Variants in CELF2 observed in about 807,000 individuals in gnomAD.
The protein encoded by CELF2 is CUG triplet repeat RNA-binding protein 2.
CELF2 carries 8 observed loss-of-function variants against 62.6 expected under a neutral mutation model. The observed-to-expected ratio is 0.13, with a 90% CI of 0.07 to 0.23. The LOEUF (loss-of-function observed/expected upper bound fraction) is 0.23, where lower values mean the gene tolerates loss of function less well. Among genes scored for constraint, CELF2 ranks in the 10% least tolerant of loss-of-function variants. CELF2 has a pLI of 1.00. For missense variants in CELF2, 333 were observed against 671.0 expected (o/e 0.50, Z 5.56); for synonymous variants, 258 against 250.0 (o/e 1.03, Z -0.30).
At chr10:10,857,651 A>T (rs7095455) in intron 1 of CELF2, among the ~76,000 whole-genome samples, 129 of 53,338 alleles carry the variant, frequency 2.4e-3, no homozygotes, top group South Asian at 0.021. Context: ...TATATATAGT[A>T]TATATATATA....
chr10:10,718,481 G>A, the CELF2 span, among the ~76,000 whole-genome samples: 7 of 151,968 alleles, frequency 4.6e-5, no homozygotes, highest in Non-Finnish European at 7.4e-5. Flanking sequence ...AAAATTAGCC[G>A]GGCATGGTGG....
chr10:10,561,921 G>T, the CELF2 span, among the ~76,000 whole-genome samples: 1 of 152,124 alleles, frequency 6.6e-6, no homozygotes, highest in African/African-American at 2.4e-5. Context: ...CAGCCCCCCT[G>T]CTCTCACTTT....
chr10:11,240,256 A>T (rs2073342685), intron 3 of CELF2, among the ~76,000 whole-genome samples: 1 of 152,224 alleles, frequency 6.6e-6, no homozygotes, highest in African/African-American at 2.4e-5. Flanking sequence ...GGCAGTTAAC[A>T]TAAAGCCACA....
the CELF2 span, among the ~76,000 whole-genome samples, chr10:10,656,457 A>G: frequency 4.3e-4 from 58 of 135,152 alleles, no homozygotes; most frequent in African/African-American, 1.4e-3. Flanking sequence ...AATAGCAAAG[A>G]CTTGGAACCA....
chr10:10,989,427 A>G lies in CELF2; in HGVS notation c.89+69428A>G, dbSNP rs545605966. Among the ~76,000 whole-genome samples, 30 of 152,274 alleles carry G rather than the reference A, an allele frequency of 2.0e-4. No homozygotes were observed. In the East Asian group the frequency reaches 2.1e-3, roughly 11 times the overall value. On this transcript the variant is annotated intron_variant, in intron 2 of 13. Transcript: ENST00000636488. ...AGCATGAAATCTGATATGTAAACAT[A>G]CACATCTTACCCCAAAAACCCCAGG... is the stretch of plus-strand genomic sequence containing the variant.
chr10:10,940,237 C>T (rs140177266), intron 2 of CELF2, among the ~76,000 whole-genome samples: 11 of 152,170 alleles, frequency 7.2e-5, no homozygotes, highest in Non-Finnish European at 1.2e-4. Flanking sequence ...TAGTTATACC[C>T]GGGTTTTTTT....
chr10:11,161,174 C>T (rs1018263661), intron 1 of CELF2, among the ~76,000 whole-genome samples: 54 of 152,178 alleles, frequency 3.5e-4, no homozygotes, highest in African/African-American at 1.2e-3. Context: ...ATCGTTTTTC[C>T]GAACAAGATT....
chr10:10,993,470 T>A lies in CELF2; in HGVS notation c.89+73471T>A, dbSNP rs912338952. On this transcript the variant is annotated intron_variant, in intron 2 of 13. Transcript: ENST00000636488. This position sits in a 1 kb window ranked among gnomAD's most constrained non-coding sequence, Gnocchi z 5.3. Reference sequence around the variant, plus strand: ...TGCCAATTTAGGCAGACACCAAGCATGAGAAAGGCAAGCCTCAGGAATATG... The same window carrying A: ...TGCCAATTTAGGCAGACACCAAGCAAGAGAAAGGCAAGCCTCAGGAATATG... Among the ~76,000 whole-genome samples, 3 of 151,956 alleles carry A rather than the reference T, an allele frequency of 2.0e-5. 1 individual carries two copies. Among genetic ancestry groups the A allele is most frequent in the Admixed American group, 2.0e-4 (3 of 15,256 alleles).
chr10:10,728,924 A>G, the CELF2 span, among the ~76,000 whole-genome samples: 1 of 152,214 alleles, frequency 6.6e-6, no homozygotes, highest in Non-Finnish European at 1.5e-5. Context: ...AACAAGGTCT[A>G]CTGCTAAACT....
chr10:10,766,823 C>T, the CELF2 span, among the ~76,000 whole-genome samples: 7 of 152,216 alleles, frequency 4.6e-5, no homozygotes, highest in African/African-American at 1.7e-4. Flanking sequence ...TGGGCACTGC[C>T]ATAAGACATG....
the CELF2 span, among the ~76,000 whole-genome samples, chr10:10,505,987 A>G: frequency 3.3e-5 from 5 of 152,294 alleles, no homozygotes; most frequent in Middle Eastern, 6.8e-3. Context: ...TGGTTTATAC[A>G]TAATGTCCAG....
At position 10,990,156 on chromosome 10, in the gene CELF2, T is replaced by C. The variant is rs1439068738; in HGVS notation, c.89+70157T>C. Among the ~76,000 whole-genome samples, 2 of 152,098 alleles carry C rather than the reference T, an allele frequency of 1.3e-5. No homozygotes were observed. Among genetic ancestry groups the C allele is most frequent in the East Asian group, 1.9e-4 (1 of 5,202 alleles). ...AAAAGTAAACATTTATAAATGCCCT[T>C]AATATTTAATCTTAGAGGAATGGTT... On this transcript the variant is annotated intron_variant, in intron 2 of 13. Coordinates refer to the CELF2 transcript ENST00000636488. The surrounding 1 kb of genome is among the most constrained non-coding windows in gnomAD (Gnocchi z 4.6).
the CELF2 span, among the ~76,000 whole-genome samples, chr10:10,506,670 A>ATTTTTTTT: frequency 0.075 from 4,815 of 64,552 alleles, 1,362 homozygotes; most frequent in Non-Finnish European, 0.1. Context: ...CCTCCTGTGA[A>ATTTTTTTT]TTTTTTTTTT....
At chr10:10,903,419 A>G (rs1007538681) in intron 1 of CELF2, among the ~76,000 whole-genome samples, 4 of 152,200 alleles carry the variant, frequency 2.6e-5, no homozygotes, top group Admixed American at 6.5e-5. Flanking sequence ...AGAGAATTCT[A>G]TTAATGATGG....
At chr10:10,621,793 A>T in the CELF2 span, among the ~76,000 whole-genome samples, 1 of 152,198 alleles carries the variant, frequency 6.6e-6, no homozygotes, top group Non-Finnish European at 1.5e-5. Context: ...AGAGGCTAGA[A>T]GATACTTGCC....
Position 11,249,020 on chromosome 10 carries a change from A to G in CELF2, c.355-133A>G, listed in dbSNP as rs1565542153. On this transcript the variant is annotated intron_variant, in intron 3 of 12. Coordinates refer to ENST00000633077, the MANE Select transcript of CELF2 (RefSeq NM_001326342.2). Reference sequence around the variant, plus strand: ...ACAGGCTTACTTTTTAACATAGTTAATAGTACCTGGAGAAGTCTTGTTGTC... The same window carrying G: ...ACAGGCTTACTTTTTAACATAGTTAGTAGTACCTGGAGAAGTCTTGTTGTC... The G allele has an allele frequency of 7.3e-6, 5 of 687,792 alleles. No individual in the cohort carries two copies. The Admixed American group carries it at 7.3e-5, about 10-fold the overall frequency. The allele number at this position is 687,792 out of a possible 1,614,324, so 42.6% of individuals were successfully genotyped here. A position where few individuals can be genotyped will look rare whatever the true frequency, so the allele number is the denominator to read the frequency against.
intron 8 of CELF2, 146 bp downstream of exon 8, chr10:11,275,266 A>C: frequency 1.2e-6 from 1 of 832,024 alleles, no homozygotes; most frequent in Non-Finnish European, 1.9e-6. Flanking sequence ...TTAACGTTGG[A>C]ACCGCCTGCT....
the CELF2 span, among the ~76,000 whole-genome samples, chr10:10,596,864 G>A: frequency 6.6e-6 from 1 of 152,192 alleles, no homozygotes. Flanking sequence ...CCCTTGCTGT[G>A]AATGGAGACA....
At chr10:10,474,369 A>G in the CELF2 span, among the ~76,000 whole-genome samples, 1 of 152,062 alleles carries the variant, frequency 6.6e-6, no homozygotes, top group African/African-American at 2.4e-5. Flanking sequence ...TAACAATGTG[A>G]ATGGTAGAAA....
Sources: allele counts gnomAD v4.1 joint callset (sites outside exome capture counted in the v4.1 genomes callset), GRCh38; gene constraint gnomAD v4.1.1; non-coding constraint Gnocchi (gnomAD v3.1); transcripts MANE v1.5; gene names NCBI Gene and HGNC (gene_info 2026-07-23, HGNC 2026-07-21).